PPP1R13B: variants seen among roughly 807,000 people sequenced by gnomAD.
The protein encoded by PPP1R13B is apoptosis-stimulating of p53 protein 1.
In PPP1R13B, 44 loss-of-function variants were observed where a neutral mutation model predicts 119.8. The ratio of observed to expected loss-of-function variants is 0.37; its 90% CI spans 0.29 to 0.47. The LOEUF is 0.47. Among genes scored for constraint, PPP1R13B ranks in the 20% least tolerant of loss-of-function variants. PPP1R13B has a pLI of 0.99. For missense variants in PPP1R13B, 1,227 were observed against 1,413.5 expected, an observed-to-expected ratio of 0.87 and a Z score of 2.12; for synonymous variants, 542 against 561.5, an observed-to-expected ratio of 0.97 and a Z score of 0.49.
intron 1 of PPP1R13B, among the ~76,000 whole-genome samples, chr14:103,814,666 CG>C: frequency 6.6e-6 from 1 of 152,188 alleles, no homozygotes. Flanking sequence ...AAACCGGCGG[CG>C]GGGCGCGGTG....
intron 7 of PPP1R13B, among the ~76,000 whole-genome samples, chr14:103,751,538 G>A (rs1378409172): frequency 1.3e-5 from 2 of 152,184 alleles, no homozygotes; most frequent in Non-Finnish European, 2.9e-5. Flanking sequence ...AGGACTGAAT[G>A]TGTCCCCCAA....
In PPP1R13B at chr14:103,740,454, G is replaced by A. The variant is rs755065923; in HGVS notation, c.1962C>T (p.Pro654=). Reference sequence around the variant, plus strand: ...CGGTGCTGCCATCTGCGGGGGCGGCGGGGCCATCCTGCTCAGGCTCTTTCT... The same window carrying A: ...CGGTGCTGCCATCTGCGGGGGCGGCAGGGCCATCCTGCTCAGGCTCTTTCT... ...STEKEPEQDG[P]AAPADGSTVE... Residue 654 remains proline, a synonymous_variant, in exon 12 of 17, where the codon CCC becomes CCT. Coordinates refer to ENST00000202556, the MANE Select transcript of PPP1R13B (RefSeq NM_015316.3). The surrounding 1 kb of genome is among the most constrained non-coding windows in gnomAD (Gnocchi z 4.6). 8.1e-6 allele frequency: 13 copies of A among 1,607,712 alleles called. No individual in the cohort carries two copies. The East Asian group carries it at 1.3e-4, about 17-fold the overall frequency.
Position 103,772,789 on chromosome 14 carries a change from C to T in PPP1R13B, c.354+5956G>A, listed in dbSNP as rs1032819934. Among the ~76,000 whole-genome samples, 8 of 152,108 alleles carry T rather than the reference C, an allele frequency of 5.3e-5. No homozygotes were observed. The South Asian group carries it at 1.2e-3, about 24-fold the overall frequency. ...CCAAGTTCAAGTGATTCTCCTGCCT[C>T]CCAAGTAGTTGGGATTACAGGCGTG... On this transcript the variant is annotated intron_variant, in intron 4 of 16. Transcript: ENST00000202556.
chr14:103,843,851 G>A (rs565550145), intron 1 of PPP1R13B, among the ~76,000 whole-genome samples: 3 of 152,044 alleles, frequency 2.0e-5, no homozygotes, highest in Admixed American at 2.0e-4. Context: ...TACTTGGTAG[G>A]CTGAGGCAGA....
chr14:103,836,642 C>T lies in PPP1R13B; in HGVS notation c.9+10657G>A, dbSNP rs184524982. Among the ~76,000 whole-genome samples the T allele has an allele frequency of 2.1e-3, 323 of 151,990 alleles. 1 individual carries two copies. Among genetic ancestry groups the T allele is most frequent in the Middle Eastern group, 0.02 (6 of 294 alleles). ...AAAATTAGCTGGGCGTGGTGGCACG[C>T]ACCTGTAATCTCAGCTACTCGGGAG... On this transcript the variant is annotated intron_variant, in intron 1 of 16. Coordinates refer to ENST00000202556, the MANE Select transcript of PPP1R13B (RefSeq NM_015316.3).
At chr14:103,796,821 G>A (rs1438490144) in intron 2 of PPP1R13B, among the ~76,000 whole-genome samples, 1 of 152,096 alleles carries the variant, frequency 6.6e-6, no homozygotes, top group African/African-American at 2.4e-5. Flanking sequence ...AGCCAGGCGT[G>A]GTGGTGCGCG....
intron 1 of PPP1R13B, among the ~76,000 whole-genome samples, chr14:103,824,512 G>A (rs896645148): frequency 2.6e-5 from 4 of 151,398 alleles, no homozygotes; most frequent in Non-Finnish European, 5.9e-5. Flanking sequence ...TGGCCAATAT[G>A]GTGAAATCCC....
rs529104325 is a variant in PPP1R13B at position 103,768,459 on chromosome 14, G to C, written c.354+10286C>G. Among the ~76,000 whole-genome samples the C allele has an allele frequency of 3.9e-5, 6 of 152,238 alleles. No individual in the cohort carries two copies. The East Asian group carries it at 1.2e-3, about 29-fold the overall frequency. On this transcript the variant is annotated intron_variant, in intron 4 of 16. Coordinates refer to ENST00000202556, the MANE Select transcript of PPP1R13B (RefSeq NM_015316.3). ...CTACAGGCGTGCGCCACCACGCCCG[G>C]CTAATTTTTTTTGTATTTTAGTAGA...
At chr14:103,812,713 C>A (rs781182127) in intron 1 of PPP1R13B, among the ~76,000 whole-genome samples, 4 of 152,160 alleles carry the variant, frequency 2.6e-5, no homozygotes, top group Non-Finnish European at 5.9e-5. Flanking sequence ...CCGCACCTGG[C>A]CAAAACAACC....
At chr14:103,791,387 AC>A (rs1422589967) in intron 2 of PPP1R13B, among the ~76,000 whole-genome samples, 2 of 152,214 alleles carry the variant, frequency 1.3e-5, no homozygotes, top group Non-Finnish European at 2.9e-5. Context: ...TCATATCAGA[AC>A]TAAGTATCTG....
intron 1 of PPP1R13B, 102 bp downstream of exon 1, chr14:103,847,197 G>A: frequency 9.6e-7 from 1 of 1,036,990 alleles, no homozygotes; most frequent in Non-Finnish European, 1.2e-6. Context: ...CGCCCGCCCG[G>A]CCTCGCACCG....
intron 1 of PPP1R13B, among the ~76,000 whole-genome samples, chr14:103,830,240 C>T (rs1004952016): frequency 6.6e-6 from 1 of 151,814 alleles, no homozygotes; most frequent in Non-Finnish European, 1.5e-5. Flanking sequence ...GGATTACAGG[C>T]ACACACCACC....
rs187066683 is a variant in PPP1R13B, at chr14:103,739,974, G to C, written c.2442C>G (p.Ala814=). The change falls in exon 12 of 17, where the codon GCC becomes GCG. Residue 814 remains alanine, a synonymous_variant. Transcript: ENST00000202556. ...TGTTGTTATTGTCCTCTGCCGGCTC[G>C]GCAGTTTGGTGGGTGGTTTGGGGAC... is the stretch of plus-strand genomic sequence containing the variant. The part of the protein sequence containing the change: ...LICPQTTHQT[A]EPAEDNNNNV... 2.5e-6 allele frequency: 4 copies of C among 1,614,096 alleles called. No homozygotes were observed. Among genetic ancestry groups the C allele is most frequent in the Non-Finnish European group, 3.4e-6 (4 of 1,180,028 alleles).
intron 2 of PPP1R13B, among the ~76,000 whole-genome samples, chr14:103,791,182 T>C (rs1327688578): frequency 1.3e-5 from 2 of 151,998 alleles, no homozygotes; most frequent in East Asian, 1.9e-4. Context: ...AGTGCAGTGA[T>C]ATGATCATAG....
chr14:103,794,321 GTTTT>G (rs2085702305), intron 2 of PPP1R13B, among the ~76,000 whole-genome samples: 4 of 109,310 alleles, frequency 3.7e-5, no homozygotes, highest in African/African-American at 9.8e-5. Context: ...GCAGTAATTT[GTTTT>G]TTGTTTTTTT....
intron 1 of PPP1R13B, among the ~76,000 whole-genome samples, chr14:103,805,349 T>C (rs538665730): frequency 1.3e-5 from 2 of 152,154 alleles, no homozygotes; most frequent in African/African-American, 4.8e-5. Context: ...CGGTGGCAGA[T>C]TACTTGAGCT....
At chr14:103,821,544 G>A (rs2086407498) in intron 1 of PPP1R13B, among the ~76,000 whole-genome samples, 1 of 152,186 alleles carries the variant, frequency 6.6e-6, no homozygotes, top group African/African-American at 2.4e-5. Flanking sequence ...CTGAGGTTGG[G>A]AGTTCGAGAC....
intron 7 of PPP1R13B, among the ~76,000 whole-genome samples, chr14:103,752,567 C>T (rs951793107): frequency 2.1e-5 from 3 of 143,930 alleles, no homozygotes; most frequent in Non-Finnish European, 4.5e-5. Context: ...CAGAGTCTCA[C>T]TCTGTCACCC....
intron 1 of PPP1R13B, chr14:103,846,872 T>C: frequency 1.7e-6 from 1 of 575,214 alleles, no homozygotes; most frequent in Middle Eastern, 3.0e-4. Context: ...GCTACGGGAA[T>C]GCGCCTGCAG....
Sources: allele counts gnomAD v4.1 joint callset (sites outside exome capture counted in the v4.1 genomes callset), GRCh38; gene constraint gnomAD v4.1.1; non-coding constraint Gnocchi (gnomAD v3.1); transcripts MANE v1.5; gene names NCBI Gene and HGNC (gene_info 2026-07-23, HGNC 2026-07-21).